The following KAZN variants were observed in gnomAD, a reference collection of about 807,000 sequenced individuals.
KAZN encodes kazrin.
In KAZN, 40 loss-of-function variants were observed where a neutral mutation model predicts 87.4. The ratio of observed to expected loss-of-function variants is 0.46; its 90% confidence interval spans 0.36 to 0.60. The LOEUF (loss-of-function observed/expected upper bound fraction) is 0.60, where lower values mean the gene tolerates loss of function less well. Ranked by LOEUF, KAZN falls within the 20% of genes least tolerant of loss-of-function variation. The pLI is 0.00. For synonymous variants in KAZN, 466 were observed against 458.3 expected, an observed-to-expected ratio of 1.02 and a Z score of -0.22; for missense variants, 898 against 1,073.9, an observed-to-expected ratio of 0.84 and a Z score of 2.29.
At chr1:15,080,886 C>T (rs373020365) in intron 8 of KAZN, among the ~76,000 whole-genome samples, 13 of 152,170 alleles carry the variant, frequency 8.5e-5, no homozygotes, top group African/African-American at 2.9e-4. Flanking sequence ...CGGTGCTCCC[C>T]AGCAGCTTGT....
At chr1:14,162,150 GT>G (rs906592784) in intron 1 of KAZN, among the ~76,000 whole-genome samples, 7 of 152,150 alleles carry the variant, frequency 4.6e-5, no homozygotes, top group Non-Finnish European at 7.4e-5. Flanking sequence ...CTCAGTCACT[GT>G]TCCTTTTATA....
At chr1:14,416,916 C>T (rs1664815208) in intron 2 of KAZN, among the ~76,000 whole-genome samples, 1 of 151,202 alleles carries the variant, frequency 6.6e-6, no homozygotes, top group African/African-American at 2.4e-5. Flanking sequence ...ATAACGAAAC[C>T]CTATTCTGCC....
At position 14,466,660 on chromosome 1, in the gene KAZN, T is replaced by TAA. The variant is rs566876952; in HGVS notation, c.250-132309_250-132308dup. 6.9e-3 allele frequency among the ~76,000 whole-genome samples: 903 copies of TAA among 130,356 alleles called. 18 individuals carry two copies. The highest frequency in any genetic ancestry group is 0.022 in the African/African-American group (845 of 38,498). The allele number at this position is 130,356 out of a possible 152,430, so 85.5% of individuals were successfully genotyped here. On this transcript the variant is annotated intron_variant, in intron 2 of 16. Transcript: ENST00000636203. ...TGTACCCCAAACTTAAAACTAAATT[T>TAA]AAAAAAAAAAAAAAAGAAGAAGAAA...
intron 1 of KAZN, among the ~76,000 whole-genome samples, chr1:14,091,992 A>C (rs548465665): frequency 9.2e-5 from 14 of 152,160 alleles, no homozygotes; most frequent in African/African-American, 2.9e-4. Flanking sequence ...TATTGTTGCT[A>C]CTGTCATCAT....
At chr1:14,609,789 C>T (rs548125953) in intron 1 of KAZN, among the ~76,000 whole-genome samples, 1 of 152,370 alleles carries the variant, frequency 6.6e-6, no homozygotes, top group South Asian at 2.1e-4. Flanking sequence ...GAGGTAGACG[C>T]AGCAATCTAT....
intron 1 of KAZN, among the ~76,000 whole-genome samples, chr1:13,961,234 G>A (rs1458795633): frequency 6.6e-6 from 1 of 152,080 alleles, no homozygotes; most frequent in Non-Finnish European, 1.5e-5. Flanking sequence ...GACTTCTACT[G>A]CACTCAAAGA....
At chr1:14,238,071 A>G (rs569377500) in intron 2 of KAZN, among the ~76,000 whole-genome samples, 7 of 152,198 alleles carry the variant, frequency 4.6e-5, no homozygotes, top group Non-Finnish European at 8.8e-5. Flanking sequence ...TTCACATACC[A>G]TACAATTCAG....
intron 1 of KAZN, among the ~76,000 whole-genome samples, chr1:14,614,986 C>T (rs563869743): frequency 3.3e-5 from 5 of 152,342 alleles, no homozygotes; most frequent in South Asian, 4.1e-4. Context: ...TGACCTCCCA[C>T]GGCTGTTGTA....
rs138322303 is a variant in KAZN, at chr1:13,917,032, CTG to C, written c.91+23278_91+23279del. Among the ~76,000 whole-genome samples, 4,051 of 152,244 alleles carry C rather than the reference CTG, an allele frequency of 0.027. 323 individuals carry two copies. The East Asian group carries it at 0.31, about 12-fold the overall frequency. On this transcript the variant is annotated intron_variant, in intron 1 of 16. Transcript: ENST00000636203. ...TATTTGATTCGATTAGAAGAATTCT[CTG>C]TATGCCAAGATAGCCAGGCTTCCAT...
chr1:14,485,089 G>A (rs1669277446), intron 2 of KAZN, among the ~76,000 whole-genome samples: 1 of 152,022 alleles, frequency 6.6e-6, no homozygotes, highest in South Asian at 2.1e-4. Flanking sequence ...AATCTATCAC[G>A]TATCCAAAAG....
rs76695641 is a variant in KAZN, at chr1:15,040,774, TA to T, written c.556-3203del. Among the ~76,000 whole-genome samples the T allele has an allele frequency of 7.1e-3, 1,004 of 142,082 alleles. 10 individuals carry two copies. The highest frequency in any genetic ancestry group is 0.019 in the African/African-American group (725 of 38,762). The allele number at this position is 142,082 out of a possible 152,430, so 93.2% of individuals were successfully genotyped here. On this transcript the variant is annotated intron_variant, in intron 3 of 14. Coordinates refer to ENST00000376030, the MANE Select transcript of KAZN (RefSeq NM_201628.3). ...GAGCAAGACTCCATCTCAAAAAAGT[TA>T]AAAAAAAAAAAGGAAACAAAAACAA...
chr1:14,517,325 A>G (rs1161920035), intron 2 of KAZN, among the ~76,000 whole-genome samples: 3 of 152,134 alleles, frequency 2.0e-5, no homozygotes, highest in Non-Finnish European at 4.4e-5. Flanking sequence ...CCTATTAGAA[A>G]GTAAAGCCAA....
intron 2 of KAZN, among the ~76,000 whole-genome samples, chr1:14,338,488 GAAA>G (rs543667115): frequency 3.9e-4 from 32 of 81,622 alleles, no homozygotes; most frequent in Middle Eastern, 5.7e-3. Context: ...CCATCTTAGA[GAAA>G]AAAAAAAAAA....
At chr1:14,573,472 C>T (rs1371146688) in intron 2 of KAZN, among the ~76,000 whole-genome samples, 2 of 152,134 alleles carry the variant, frequency 1.3e-5, no homozygotes, top group African/African-American at 2.4e-5. Context: ...ATGGTGAAAC[C>T]CCGTCTCTAC....
At chr1:14,624,027 G>A (rs766230675) in intron 1 of KAZN, among the ~76,000 whole-genome samples, 1 of 152,144 alleles carries the variant, frequency 6.6e-6, no homozygotes, top group Non-Finnish European at 1.5e-5. Flanking sequence ...TGAATAGTGT[G>A]TGCTAAAAAT....
chr1:14,185,963 C>T, intron 2 of KAZN, among the ~76,000 whole-genome samples: 1 of 152,128 alleles, frequency 6.6e-6, no homozygotes, highest in East Asian at 1.9e-4. Flanking sequence ...GGAAATGAGA[C>T]TCAGAAAAAA....
At chr1:14,750,997 G>T (rs1644399167) in intron 1 of KAZN, among the ~76,000 whole-genome samples, 1 of 152,204 alleles carries the variant, frequency 6.6e-6, no homozygotes, top group African/African-American at 2.4e-5. Flanking sequence ...ATGGAGAATG[G>T]TTCCCTTGTT....
At chr1:15,024,496 G>A (rs1573094969) in intron 2 of KAZN, among the ~76,000 whole-genome samples, 1 of 152,260 alleles carries the variant, frequency 6.6e-6, no homozygotes, top group Non-Finnish European at 1.5e-5. Context: ...AAAGATGTGA[G>A]AGAGAATTGC....
chr1:14,454,024 G>C (rs1187110950), intron 2 of KAZN, among the ~76,000 whole-genome samples: 2 of 152,132 alleles, frequency 1.3e-5, no homozygotes, highest in African/African-American at 4.8e-5. Context: ...TGAGGTTCTG[G>C]TATATTTCAC....
Sources: allele counts gnomAD v4.1 joint callset (sites outside exome capture counted in the v4.1 genomes callset), GRCh38; gene constraint gnomAD v4.1.1; transcripts MANE v1.5; gene names NCBI Gene and HGNC (gene_info 2026-07-23, HGNC 2026-07-21).